The following LTBP1 variants were observed in gnomAD, a reference collection of about 807,000 sequenced individuals.
LTBP1 encodes the protein latent transforming growth factor beta binding protein 1.
LTBP1 carries 129 observed loss-of-function variants against 207.6 expected under a neutral mutation model. The observed-to-expected ratio is 0.62, with a 90% CI of 0.54 to 0.72. LTBP1 has a LOEUF of 0.72. Ranked by LOEUF, LTBP1 falls within the 30% of genes least tolerant of loss-of-function variation. The pLI, the probability that LTBP1 is intolerant of heterozygous loss-of-function variation, is 0.00. For synonymous variants in LTBP1, 963 were observed against 833.7 expected, an observed-to-expected ratio of 1.16 and a Z score of -2.67; for missense variants, 2,281 against 2,217.2, an observed-to-expected ratio of 1.03 and a Z score of -0.58.
rs553458792 is a variant in LTBP1, at chr2:33,048,059, C to A, written c.863+26853C>A. On this transcript the variant is annotated intron_variant, in intron 3 of 33. Coordinates refer to ENST00000404816, the MANE Select transcript of LTBP1 (RefSeq NM_206943.4). The stretch of plus-strand genomic sequence containing the variant: ...TTTTTTTTAAACCACAAGGGATGAA[C>A]CTTGCATAAATTAAGAGCCGTAGCA... Among the ~76,000 whole-genome samples, 33 of 152,180 alleles carry A rather than the reference C, an allele frequency of 2.2e-4. No individual in the cohort carries two copies. In the South Asian group the frequency reaches 3.5e-3, roughly 16 times the overall value.
At chr2:33,346,739 T>C (rs1335413745) in intron 25 of LTBP1, among the ~76,000 whole-genome samples, 1 of 151,798 alleles carries the variant, frequency 6.6e-6, no homozygotes, top group East Asian at 1.9e-4. Context: ...CTTCATTATG[T>C]TGAAAAGTCA....
chr2:33,047,106 A>G (rs1410221277), intron 3 of LTBP1, among the ~76,000 whole-genome samples: 5 of 151,902 alleles, frequency 3.3e-5, no homozygotes, highest in African/African-American at 4.8e-5. Context: ...TTGTGTCTCT[A>G]TCTCCTTCAG....
intron 31 of LTBP1, among the ~76,000 whole-genome samples, chr2:33,372,710 C>T (rs2095084379): frequency 6.6e-6 from 1 of 152,100 alleles, no homozygotes; most frequent in South Asian, 2.1e-4. Flanking sequence ...CCCATCTCTA[C>T]TAAATTAGCC....
chr2:33,364,715 C>T (rs776373013), intron 30 of LTBP1, among the ~76,000 whole-genome samples: 5 of 152,160 alleles, frequency 3.3e-5, no homozygotes, highest in Non-Finnish European at 7.4e-5. Flanking sequence ...GTGGATAAGG[C>T]TCAGCAGAAC....
chr2:33,361,470 C>T lies in LTBP1; in HGVS notation c.4225C>T (p.Pro1409Ser), dbSNP rs749158924. 7.4e-6 allele frequency: 12 copies of T among 1,611,250 alleles called. No homozygotes were observed. The East Asian group carries it at 2.5e-4, about 33-fold the overall frequency. The change falls in exon 28 of 34, where the codon CCT (proline) becomes TCT (serine). Residue 1409 changes from proline (P) to serine (S), a missense_variant. This residue lies in a region of LTBP1 where 1,671 missense variants were observed against 1,634.8 expected (regional missense o/e 1.02). Coordinates refer to ENST00000404816, the MANE Select transcript of LTBP1 (RefSeq NM_206943.4). ...EMCPKGKGFVPAGESSSEAGG... is the reference protein window; with the variant it reads ...EMCPKGKGFVSAGESSSEAGG... Reference sequence around the variant, plus strand: ...GTGTCCCAAAGGGAAAGGTTTTGTGCCTGCTGGAGAATCATCTTCTGAAGC... The same window carrying T: ...GTGTCCCAAAGGGAAAGGTTTTGTGTCTGCTGGAGAATCATCTTCTGAAGC...
intron 3 of LTBP1, among the ~76,000 whole-genome samples, chr2:33,057,754 A>G (rs953239220): frequency 1.3e-5 from 2 of 151,974 alleles, no homozygotes; most frequent in African/African-American, 2.4e-5. Context: ...CTCACCGGGA[A>G]CTCTAGCTGG....
intron 2 of LTBP1, among the ~76,000 whole-genome samples, chr2:32,995,904 G>C (rs1572993563): frequency 6.6e-6 from 1 of 152,150 alleles, no homozygotes; most frequent in Admixed American, 6.5e-5. Context: ...CATTTTCCCT[G>C]TTTTATAGAT....
At chr2:33,339,339 A>G (rs1422867531) in intron 24 of LTBP1, among the ~76,000 whole-genome samples, 1 of 152,210 alleles carries the variant, frequency 6.6e-6, no homozygotes, top group African/African-American at 2.4e-5. Context: ...CTGGGAAATC[A>G]TCAGTATGTA....
chr2:33,293,045 A>G (rs1357832956), intron 19 of LTBP1, 115 bp from the exon 20 acceptor site: 1 of 1,072,930 alleles, frequency 9.3e-7, no homozygotes, highest in African/African-American at 1.6e-5. Context: ...TTTATCTTTA[A>G]GAATCTGCCT....
chr2:32,998,060 T>C (rs760983665), intron 2 of LTBP1, among the ~76,000 whole-genome samples: 1 of 152,230 alleles, frequency 6.6e-6, no homozygotes, highest in Non-Finnish European at 1.5e-5. Flanking sequence ...ATTCTAGATT[T>C]GAGCATGGTT....
intron 26 of LTBP1, among the ~76,000 whole-genome samples, chr2:33,354,717 C>T (rs993595546): frequency 5.3e-5 from 7 of 133,220 alleles, no homozygotes; most frequent in Non-Finnish European, 1.0e-4. Flanking sequence ...CACACACACA[C>T]ACACACACAC....
At chr2:32,996,381 C>G (rs368787571) in intron 2 of LTBP1, among the ~76,000 whole-genome samples, 1 of 152,232 alleles carries the variant, frequency 6.6e-6, no homozygotes, top group South Asian at 2.1e-4. Flanking sequence ...ACCTAATCAC[C>G]CTCCAAAGGC....
intron 7 of LTBP1, among the ~76,000 whole-genome samples, chr2:33,206,930 A>G (rs749457597): frequency 1.3e-4 from 20 of 152,126 alleles, no homozygotes; most frequent in Admixed American, 5.2e-4. Context: ...CTCACCATCT[A>G]GTACTAGGAT....
chr2:33,023,344 G>A (rs2123917), intron 3 of LTBP1, among the ~76,000 whole-genome samples: 50,454 of 151,998 alleles, frequency 0.33, 9,193 homozygotes, highest in Non-Finnish European at 0.41. Flanking sequence ...AGTAAGAACC[G>A]TATGTCGGAT....
intron 31 of LTBP1, among the ~76,000 whole-genome samples, chr2:33,373,291 C>T (rs981110504): frequency 5.9e-5 from 9 of 152,128 alleles, no homozygotes; most frequent in Non-Finnish European, 1.2e-4. Context: ...TAATGAAACA[C>T]GAACATTGAT....
intron 31 of LTBP1, among the ~76,000 whole-genome samples, chr2:33,373,224 A>T (rs1417267668): frequency 6.6e-6 from 1 of 152,210 alleles, no homozygotes; most frequent in African/African-American, 2.4e-5. Flanking sequence ...TTAAAACATG[A>T]GGTCCCAAAG....
intron 26 of LTBP1, among the ~76,000 whole-genome samples, chr2:33,355,125 A>G (rs148624845): frequency 1.3e-5 from 2 of 152,106 alleles, no homozygotes; most frequent in African/African-American, 2.4e-5. Context: ...TGCTTTACTC[A>G]TGCATTTATC....
chr2:33,360,251 G>A (rs1315917772), intron 26 of LTBP1, among the ~76,000 whole-genome samples: 1 of 152,162 alleles, frequency 6.6e-6, no homozygotes, highest in Non-Finnish European at 1.5e-5. Context: ...ATTGATTTAA[G>A]TAGGTGTTAT....
chr2:33,149,762 C>T (rs1008715027), intron 5 of LTBP1, among the ~76,000 whole-genome samples: 3 of 152,058 alleles, frequency 2.0e-5, no homozygotes, highest in Non-Finnish European at 4.4e-5. Flanking sequence ...CAGAAGTGAT[C>T]GTATAACAGA....
Sources: allele counts gnomAD v4.1 joint callset (sites outside exome capture counted in the v4.1 genomes callset), GRCh38; gene constraint gnomAD v4.1.1; regional missense constraint gnomAD v4.1.1; transcripts MANE v1.5; gene names NCBI Gene and HGNC (gene_info 2026-07-23, HGNC 2026-07-21).